ALMS1: variants seen among roughly 807,000 people sequenced by gnomAD.
ALMS1 encodes centrosome-associated protein ALMS1.
In ALMS1, 271 loss-of-function variants were observed where a neutral mutation model predicts 352.2. The observed-to-expected ratio is 0.77, with a 90% CI of 0.70 to 0.85. The LOEUF (loss-of-function observed/expected upper bound fraction) is 0.85. ALMS1 is among the 40% of genes least tolerant of loss of function. The pLI is 0.00. For missense variants in ALMS1, 5,445 were observed against 4,870.7 expected, an observed-to-expected ratio of 1.12 and a Z score of -3.51; for synonymous variants, 1,865 against 1,761.2, an observed-to-expected ratio of 1.06 and a Z score of -1.48.
chr2:73,539,596 G>A (rs1050366121), intron 12 of ALMS1, among the ~76,000 whole-genome samples: 6 of 152,148 alleles, frequency 3.9e-5, no homozygotes, highest in African/African-American at 1.4e-4. Flanking sequence ...GAGGAAGTTC[G>A]AACCCATGGC....
Position 73,573,851 on chromosome 2 carries a change from GTT to G in ALMS1, c.11547+437_11547+438del, listed in dbSNP as rs11292002. 5.8e-4 allele frequency among the ~76,000 whole-genome samples: 86 copies of G among 148,608 alleles called. 2 individuals carry two copies. Among genetic ancestry groups the G allele is most frequent in the East Asian group, 9.8e-4 (5 of 5,090 alleles). ...CAGACAAACACATAAATAATACAGG[GTT>G]TTTTTTTTTGTAATTGAAGAATGGA... On this transcript the variant is annotated intron_variant, in intron 16 of 22. Transcript: ENST00000613296.
chr2:73,462,950 C>G (rs971611562), intron 9 of ALMS1: 3 of 152,132 alleles, frequency 2.0e-5, no homozygotes, highest in African/African-American at 7.2e-5. Flanking sequence ...CACCCAGATT[C>G]ATAAAGCAAG....
At chr2:73,411,994 T>G (rs949262304) in intron 2 of ALMS1, among the ~76,000 whole-genome samples, 1 of 152,240 alleles carries the variant, frequency 6.6e-6, no homozygotes. Flanking sequence ...TGCTCCCTGT[T>G]ACAGTGAAAT....
At chr2:73,538,330 A>G (rs1039849806) in intron 12 of ALMS1, among the ~76,000 whole-genome samples, 1 of 152,296 alleles carries the variant, frequency 6.6e-6, no homozygotes, top group African/African-American at 2.4e-5. Flanking sequence ...TCATGAGGGA[A>G]ATACCAAACA....
Position 73,557,294 on chromosome 2 carries a change from A to G in ALMS1, c.10153A>G (p.Arg3385Gly). The G allele has an allele frequency of 6.2e-7, 1 of 1,614,188 alleles. No individual in the cohort carries two copies. ...AAAACAGCAAGAGATTCACAGTACA[A>G]GGGCAGTGACTGAGGCTGCCCAGGC... Reference protein sequence around the residue: ...DKKQQEIHSTRAVTEAAQAKE... With the variant: ...DKKQQEIHSTGAVTEAAQAKE... Residue 3385 changes from arginine (R) to glycine (G), a missense_variant, in exon 14 of 23, where the codon AGG becomes GGG. Physicochemically the swap from Arg to Gly is moderately radical, Grantham distance 125. Transcript: ENST00000613296.
At chr2:73,484,393 A>G (rs1210415377) in intron 9 of ALMS1, among the ~76,000 whole-genome samples, 1 of 151,052 alleles carries the variant, frequency 6.6e-6, no homozygotes, top group Admixed American at 6.6e-5. Context: ...AGAATGTTGA[A>G]TATTGGCCCC....
At chr2:73,517,416 T>C (rs1166628999) in intron 10 of ALMS1, among the ~76,000 whole-genome samples, 1 of 150,732 alleles carries the variant, frequency 6.6e-6, no homozygotes, top group Non-Finnish European at 1.5e-5. Context: ...ACTGTGCCTA[T>C]TTTTTTTATG....
At chr2:73,577,101 G>T (rs1025465261) in intron 16 of ALMS1, among the ~76,000 whole-genome samples, 5 of 152,122 alleles carry the variant, frequency 3.3e-5, no homozygotes, top group Admixed American at 3.3e-4. Context: ...AGGAATATTT[G>T]TCTATAGTTT....
In ALMS1 at chr2:73,448,307, C is replaced by T; in HGVS notation, c.1780C>T (p.Leu594=). 6.2e-7 allele frequency: 1 copy of T among 1,614,072 alleles called. No individual in the cohort carries two copies. Among genetic ancestry groups the T allele is most frequent in the Non-Finnish European group, 8.5e-7 (1 of 1,179,944 alleles). Residue 594 remains leucine, a synonymous_variant, in exon 8 of 23, where the codon CTA becomes TTA. Transcript: ENST00000613296. ...CCAGCAGGGCTTGCCAGACAGTCAT[C>T]TAACTGAAGAGGCTTTGAAAGTTTC... ...FYQQGLPDSH[L]TEEALKVSAA...
intron 15 of ALMS1, among the ~76,000 whole-genome samples, chr2:73,567,064 G>A (rs1266770668): frequency 6.6e-6 from 1 of 152,092 alleles, no homozygotes; most frequent in African/African-American, 2.4e-5. Context: ...TGTCTGTTAG[G>A]GTTTTTATGG....
chr2:73,433,227 T>C (rs1329911629), intron 7 of ALMS1, among the ~76,000 whole-genome samples: 2 of 152,214 alleles, frequency 1.3e-5, no homozygotes, highest in Non-Finnish European at 2.9e-5. Flanking sequence ...ATCTCTGATT[T>C]GTTTTTCCTG....
chr2:73,490,068 G>A lies in ALMS1; in HGVS notation c.8109G>A (p.Pro2703=), dbSNP rs759983484. ...EVDFHSSSQM[P]SPEPMKKFTT... ...ATTTTCATTCTTCATCACAAATGCCGTCCCCAGAACCCATGAAAAAGTTTA... is the reference window on the plus strand; with the variant it reads ...ATTTTCATTCTTCATCACAAATGCCATCCCCAGAACCCATGAAAAAGTTTA... Residue 2703 remains proline (P), a synonymous_variant, in exon 10 of 23, where the codon CCG becomes CCA. Coordinates refer to ENST00000613296, the MANE Select transcript of ALMS1 (RefSeq NM_001378454.1). The A allele has an allele frequency of 5.4e-5, 87 of 1,614,026 alleles. No homozygotes were observed. Among genetic ancestry groups the A allele is most frequent in the Non-Finnish European group, 6.6e-5 (78 of 1,180,034 alleles).
At position 73,409,023 on chromosome 2, in the gene ALMS1, C is replaced by T. The variant is rs528635151; in HGVS notation, c.450+276C>T. 8.6e-5 allele frequency among the ~76,000 whole-genome samples: 13 copies of T among 151,490 alleles called. 1 individual carries two copies. The highest frequency in any genetic ancestry group is 3.1e-4 in the African/African-American group (13 of 41,368). On this transcript the variant is annotated intron_variant, in intron 2 of 22. Coordinates refer to ENST00000613296, the MANE Select transcript of ALMS1 (RefSeq NM_001378454.1). ...GAGTAGCTGGGACTACAGACATATACCATCAAACCCACCTAATTATTTTTA... is the reference window on the plus strand; with the variant it reads ...GAGTAGCTGGGACTACAGACATATATCATCAAACCCACCTAATTATTTTTA...
At chr2:73,399,927 A>T (rs1572899883) in intron 1 of ALMS1, among the ~76,000 whole-genome samples, 1 of 147,272 alleles carries the variant, frequency 6.8e-6, no homozygotes, top group Non-Finnish European at 1.5e-5. Flanking sequence ...ATGATGGATT[A>T]TATTAATTGT....
chr2:73,470,211 T>C (rs1672440371), intron 9 of ALMS1: 1 of 151,810 alleles, frequency 6.6e-6, no homozygotes, highest in Admixed American at 6.6e-5. Flanking sequence ...TTTTATTCTT[T>C]CCTTTTTTCT....
chr2:73,567,207 C>G (rs572009736), intron 15 of ALMS1, among the ~76,000 whole-genome samples: 2 of 152,298 alleles, frequency 1.3e-5, no homozygotes, highest in African/African-American at 4.8e-5. Context: ...TATGGTTGTT[C>G]CCTTGGTAAA....
chr2:73,491,304 T>A lies in ALMS1; in HGVS notation c.9345T>A (p.Gly3115=), dbSNP rs769925768. Residue 3115 remains glycine, a synonymous_variant, in exon 10 of 23, where the codon GGT becomes GGA. Transcript: ENST00000613296. Reference sequence around the variant, plus strand: ...TAGCACAGGATCAAGAATCTTTAGGTTTTCTAGGACCTAAATCTTCACTGG... The same window carrying A: ...TAGCACAGGATCAAGAATCTTTAGGATTTCTAGGACCTAAATCTTCACTGG... ...KPVAQDQESL[G]FLGPKSSLDF... 6.2e-7 allele frequency: 1 copy of A among 1,614,126 alleles called. No individual in the cohort carries two copies. Among genetic ancestry groups the A allele is most frequent in the Non-Finnish European group, 8.5e-7 (1 of 1,180,014 alleles).
At chr2:73,422,754 A>G in intron 3 of ALMS1, 103 bp from the exon 4 acceptor site, 2 of 915,100 alleles carry the variant, frequency 2.2e-6, no homozygotes, top group Non-Finnish European at 3.6e-6. Context: ...TGCTTGTAGA[A>G]TTCTCCATAT....
intron 1 of ALMS1, among the ~76,000 whole-genome samples, chr2:73,391,047 A>T (rs978092715): frequency 2.0e-5 from 3 of 152,000 alleles, no homozygotes; most frequent in African/African-American, 7.3e-5. Context: ...CTGGCATTAC[A>T]GATGTGATGA....
Sources: gnomAD v4.1 joint callset for allele counts (sites outside exome capture counted in the v4.1 genomes callset) on GRCh38, gnomAD v4.1.1 for gene constraint, MANE v1.5 for transcripts, NCBI Gene and HGNC (gene_info 2026-07-23, HGNC 2026-07-21) for gene names.